The following ZSWIM5 variants were observed in gnomAD, a reference collection of about 807,000 sequenced individuals.
The protein encoded by ZSWIM5 is zinc finger SWIM-type containing 5, also known as zinc finger SWIM domain-containing protein 5.
In ZSWIM5, 55 loss-of-function variants were observed where a neutral mutation model predicts 119.6. That is an observed-to-expected ratio of 0.46 (90% CI 0.37 to 0.58). The LOEUF is 0.58. Ranked by LOEUF, ZSWIM5 falls within the 20% of genes least tolerant of loss-of-function variation. The pLI is 0.00. For missense variants in ZSWIM5, 1,193 were observed against 1,512.8 expected (o/e 0.79, Z 3.51); for synonymous variants, 537 against 606.9 (o/e 0.88, Z 1.69).
chr1:45,171,422 G>T (rs779153898), intron 1 of ZSWIM5, among the ~76,000 whole-genome samples: 4 of 152,086 alleles, frequency 2.6e-5, no homozygotes, highest in Non-Finnish European at 5.9e-5. Context: ...AATTGAATTT[G>T]AATTACCTAC....
intron 4 of ZSWIM5, 70 bp downstream of exon 4, chr1:45,058,539 G>T (rs1645135508): frequency 6.3e-7 from 1 of 1,577,254 alleles, no homozygotes; most frequent in South Asian, 1.1e-5. Flanking sequence ...TGATGGCAAG[G>T]GCTCATAAAC....
At chr1:45,086,937 G>A (rs887722697) in intron 2 of ZSWIM5, among the ~76,000 whole-genome samples, 1 of 143,502 alleles carries the variant, frequency 7.0e-6, no homozygotes, top group East Asian at 2.0e-4. Flanking sequence ...AGGCTGGAGT[G>A]CAGTGGCGTG....
At chr1:45,195,745 CAATA>C (rs909734639) in intron 1 of ZSWIM5, among the ~76,000 whole-genome samples, 1 of 151,492 alleles carries the variant, frequency 6.6e-6, no homozygotes, top group Non-Finnish European at 1.5e-5. Context: ...ATAGGTGAAA[CAATA>C]AATAGAAAAG....
chr1:45,052,507 C>T (rs1349165384), intron 4 of ZSWIM5, among the ~76,000 whole-genome samples: 1 of 152,138 alleles, frequency 6.6e-6, no homozygotes, highest in Non-Finnish European at 1.5e-5. Flanking sequence ...CTGTGGCTCA[C>T]ACTTATAATC....
chr1:45,084,667 C>T (rs1645314192), intron 2 of ZSWIM5, among the ~76,000 whole-genome samples: 1 of 152,220 alleles, frequency 6.6e-6, no homozygotes, highest in African/African-American at 2.4e-5. Flanking sequence ...CAACCAAGTC[C>T]AAAACCCAGC....
In ZSWIM5 at chr1:45,018,696, C is replaced by G; in HGVS notation, c.3316G>C (p.Ala1106Pro). The change falls in exon 14 of 14, where the codon GCT becomes CCT. Residue 1106 changes from alanine (A) to proline (P), a missense_variant. Transcript: ENST00000359600. This position sits in a 1 kb window ranked among gnomAD's most constrained non-coding sequence, Gnocchi z 6.7. ...GCATCCAGCAACTGGCGCAATGGAG[C>G]TTTGTCAGTGGACATGAGCTTTCCA... Reference protein sequence around the residue: ...SSGKLMSTDKAPLRQLLDATI... With the variant: ...SSGKLMSTDKPPLRQLLDATI... 1 of 1,614,230 alleles carries G rather than the reference C, an allele frequency of 6.2e-7. No individual in the cohort carries two copies. The highest frequency in any genetic ancestry group is 2.2e-5 in the East Asian group (1 of 44,878).
chr1:45,044,976 G>C (rs1246248451), intron 5 of ZSWIM5, among the ~76,000 whole-genome samples: 1 of 144,776 alleles, frequency 6.9e-6, no homozygotes, highest in Non-Finnish European at 1.5e-5. Context: ...TCTCCAGCCT[G>C]AGTAACAAAG....
At chr1:45,174,185 G>A (rs1470020589) in intron 1 of ZSWIM5, among the ~76,000 whole-genome samples, 1 of 152,106 alleles carries the variant, frequency 6.6e-6, no homozygotes, top group African/African-American at 2.4e-5. Flanking sequence ...TGAGGCAGGA[G>A]AATTGCTTGA....
intron 11 of ZSWIM5, among the ~76,000 whole-genome samples, chr1:45,029,760 T>C (rs750873944): frequency 1.3e-5 from 2 of 152,244 alleles, no homozygotes; most frequent in South Asian, 2.1e-4. Context: ...TGTTGTACCA[T>C]GTATCAGACT....
chr1:45,148,176 T>C (rs1229406052), intron 1 of ZSWIM5, among the ~76,000 whole-genome samples: 2 of 152,132 alleles, frequency 1.3e-5, no homozygotes, highest in Non-Finnish European at 2.9e-5. Flanking sequence ...CACAAAAAAA[T>C]TGTATATGGA....
chr1:45,112,339 C>T (rs78095079), intron 1 of ZSWIM5, among the ~76,000 whole-genome samples: 3,128 of 152,188 alleles, frequency 0.021, 116 homozygotes, highest in African/African-American at 0.072. Context: ...TTGTGATCTT[C>T]AGCAGGTTAC....
Position 45,044,744 on chromosome 1 carries a change from A to ATATATATATATAT in ZSWIM5, c.1433-1350_1433-1349insATATATATATATA. On this transcript the variant is annotated intron_variant, in intron 5 of 13. Transcript: ENST00000359600. ...GTCTCAAAAAAAAAAAAAAAAAAAA[A>ATATATATATATAT]AAATATATATATATATATATATATA... Among the ~76,000 whole-genome samples, 2 of 6,310 alleles carry ATATATATATATAT rather than the reference A, an allele frequency of 3.2e-4. 1 individual carries two copies. The highest frequency in any genetic ancestry group is 6.7e-4 in the African/African-American group (2 of 2,992). 4.1% of individuals were successfully genotyped at this position (6,310 alleles called of 152,430 possible).
At chr1:45,119,649 CT>C (rs1400902435) in intron 1 of ZSWIM5, among the ~76,000 whole-genome samples, 1 of 152,170 alleles carries the variant, frequency 6.6e-6, no homozygotes, top group Admixed American at 6.5e-5. Context: ...CTCTGAGAAA[CT>C]CTGACTTTCT....
chr1:45,172,500 G>T (rs965779858), intron 1 of ZSWIM5, among the ~76,000 whole-genome samples: 55 of 152,002 alleles, frequency 3.6e-4, no homozygotes, highest in African/African-American at 1.2e-3. Context: ...TTATATTTTT[G>T]AACTGTTTTA....
intron 1 of ZSWIM5, among the ~76,000 whole-genome samples, chr1:45,118,887 C>G (rs1645575265): frequency 6.6e-6 from 1 of 151,892 alleles, no homozygotes; most frequent in Admixed American, 6.6e-5. Context: ...GAAACAGGGC[C>G]CTGTCCTCAT....
At chr1:45,130,989 G>A (rs1342440732) in intron 1 of ZSWIM5, among the ~76,000 whole-genome samples, 1 of 152,130 alleles carries the variant, frequency 6.6e-6, no homozygotes, top group Non-Finnish European at 1.5e-5. Context: ...ATCCCCCAAA[G>A]CTACATTATA....
rs1220128450 is a variant in ZSWIM5 at position 45,133,998 on chromosome 1, G to A, written c.596-45761C>T. Among the ~76,000 whole-genome samples, 73 of 152,236 alleles carry A rather than the reference G, an allele frequency of 4.8e-4. 1 individual carries two copies. The highest frequency in any genetic ancestry group is 6.8e-3 in the Middle Eastern group (2 of 294). On this transcript the variant is annotated intron_variant, in intron 1 of 13. Coordinates refer to ENST00000359600, the MANE Select transcript of ZSWIM5 (RefSeq NM_020883.2). ...TCTGTTTTGGTACCAGTACCATGCT[G>A]TTTTGGTTACTGTAGCCTTGTAGTA...
chr1:45,051,000 C>G (rs1645085219), intron 5 of ZSWIM5, 74 bp downstream of exon 5: 10 of 1,411,524 alleles, frequency 7.1e-6, no homozygotes, highest in East Asian at 2.4e-5. Flanking sequence ...TATCCAGCTA[C>G]CATTGTTCTA....
rs1646184951 is a variant in ZSWIM5, at chr1:45,205,806, C to A, written c.545G>T (p.Arg182Leu). ...GCGGEGLPFRRGIRLLDSGSV... is the reference protein window; with the variant it reads ...GCGGEGLPFRLGIRLLDSGSV... Reference sequence around the variant, plus strand: ...GCCGCTGTCCAGCAGACGGATGCCCCGGCGGAACGGGAGCCCCTCGCCACC... The same window carrying A: ...GCCGCTGTCCAGCAGACGGATGCCCAGGCGGAACGGGAGCCCCTCGCCACC... Residue 182 changes from arginine to leucine, a missense_variant, in exon 1 of 14, where the codon CGG (arginine) becomes CTG (leucine). Physicochemically the swap from Arg to Leu is moderately radical, Grantham distance 102. This residue lies in a region of ZSWIM5 where 961 missense variants were observed against 1,290.0 expected (regional missense o/e 0.74). Coordinates refer to ENST00000359600, the MANE Select transcript of ZSWIM5 (RefSeq NM_020883.2). 1 of 1,545,660 alleles carries A rather than the reference C, an allele frequency of 6.5e-7. No individual in the cohort carries two copies. Among genetic ancestry groups the A allele is most frequent in the Non-Finnish European group, 8.7e-7 (1 of 1,150,286 alleles).
Sources: gnomAD v4.1 joint callset for allele counts (sites outside exome capture counted in the v4.1 genomes callset) on GRCh38, gnomAD v4.1.1 for gene constraint, gnomAD v4.1.1 regional missense constraint, Gnocchi (gnomAD v3.1) non-coding constraint, MANE v1.5 for transcripts, NCBI Gene and HGNC (gene_info 2026-07-23, HGNC 2026-07-21) for gene names.